Variants in IMMP2L observed in about 807,000 individuals in gnomAD.
IMMP2L encodes the protein mitochondrial inner membrane protease subunit 2.
In IMMP2L, 18 loss-of-function variants were observed where a neutral mutation model predicts 19.3. The observed-to-expected ratio is 0.93, with a 90% CI of 0.64 to 1.38. The LOEUF (loss-of-function observed/expected upper bound fraction) is 1.38. IMMP2L is among the 40% of genes most tolerant of loss of function. IMMP2L has a pLI of 0.00. For synonymous variants in IMMP2L, 76 were observed against 73.0 expected (o/e 1.04, Z -0.21); for missense variants, 233 against 218.2 (o/e 1.07, Z -0.43).
chr7:111,460,406 CTT>C (rs1305649933), intron 3 of IMMP2L, among the ~76,000 whole-genome samples: 1 of 152,034 alleles, frequency 6.6e-6, no homozygotes, highest in African/African-American at 2.4e-5. Flanking sequence ...GAGAAGCTAA[CTT>C]AATGCCAACA....
intron 3 of IMMP2L, among the ~76,000 whole-genome samples, chr7:111,269,650 T>A (rs561623364): frequency 0.014 from 2,156 of 151,144 alleles, 48 homozygotes; most frequent in African/African-American, 0.047. Context: ...CAGTTTTTTT[T>A]AAAAAAAAAC....
At chr7:111,050,716 A>T (rs1465043955) in intron 3 of IMMP2L, among the ~76,000 whole-genome samples, 1 of 152,198 alleles carries the variant, frequency 6.6e-6, no homozygotes, top group African/African-American at 2.4e-5. Flanking sequence ...AGCCTAAAAA[A>T]TATATCATTT....
At chr7:111,499,676 G>C (rs1315670853) in intron 2 of IMMP2L, among the ~76,000 whole-genome samples, 1 of 152,162 alleles carries the variant, frequency 6.6e-6, no homozygotes, top group Non-Finnish European at 1.5e-5. Context: ...AGCAGCATGT[G>C]TTGTCAAGGC....
At chr7:110,812,183 A>G (rs1802090414) in intron 5 of IMMP2L, among the ~76,000 whole-genome samples, 1 of 152,080 alleles carries the variant, frequency 6.6e-6, no homozygotes, top group African/African-American at 2.4e-5. Flanking sequence ...CAGATTATTT[A>G]CATCTTTCCA....
intron 5 of IMMP2L, among the ~76,000 whole-genome samples, chr7:110,723,094 A>C (rs17398533): frequency 6.6e-6 from 1 of 152,054 alleles, no homozygotes; most frequent in African/African-American, 2.4e-5. Context: ...CATACCAACC[A>C]TAAGATGAAA....
chr7:111,243,397 G>T lies in IMMP2L; in HGVS notation c.239+243841C>A, dbSNP rs914564097. 2.0e-5 allele frequency among the ~76,000 whole-genome samples: 3 copies of T among 151,872 alleles called. No individual in the cohort carries two copies. In the East Asian group the frequency reaches 5.8e-4, roughly 29 times the overall value. ...CAAGCTGTTGAAATTTTATATTCTT[G>T]CATGGACTAGTAATTTCCACAATAG... is the stretch of plus-strand genomic sequence containing the variant. On this transcript the variant is annotated intron_variant, in intron 3 of 5. Coordinates refer to ENST00000405709, the MANE Select transcript of IMMP2L (RefSeq NM_032549.4).
At chr7:111,023,870 C>T (rs1826549127) in intron 3 of IMMP2L, among the ~76,000 whole-genome samples, 1 of 152,122 alleles carries the variant, frequency 6.6e-6, no homozygotes, top group Non-Finnish European at 1.5e-5. Flanking sequence ...CCATGACTCT[C>T]ATCAAATTTT....
chr7:111,504,804 C>T (rs1844702115), intron 2 of IMMP2L, among the ~76,000 whole-genome samples: 2 of 152,026 alleles, frequency 1.3e-5, no homozygotes, highest in Admixed American at 1.3e-4. Flanking sequence ...TTCCTTACAC[C>T]TTATACAAAA....
intron 3 of IMMP2L, among the ~76,000 whole-genome samples, chr7:111,250,011 C>T (rs946640779): frequency 3.3e-5 from 5 of 152,070 alleles, no homozygotes; most frequent in African/African-American, 1.2e-4. Context: ...AAAACCCCAC[C>T]GTCTCAGCCC....
intron 5 of IMMP2L, among the ~76,000 whole-genome samples, chr7:110,805,046 T>C (rs1163322935): frequency 2.0e-5 from 3 of 152,112 alleles, no homozygotes; most frequent in African/African-American, 7.2e-5. Flanking sequence ...TGGAAAAAAT[T>C]GACTTTAATA....
intron 3 of IMMP2L, among the ~76,000 whole-genome samples, chr7:110,996,088 A>T (rs983803310): frequency 6.6e-6 from 1 of 152,106 alleles, no homozygotes; most frequent in Non-Finnish European, 1.5e-5. Context: ...AGTTTATTCT[A>T]CTACAAAATT....
intron 3 of IMMP2L, among the ~76,000 whole-genome samples, chr7:111,477,585 G>A (rs1356394466): frequency 6.6e-6 from 1 of 151,954 alleles, no homozygotes; most frequent in Admixed American, 6.6e-5. Flanking sequence ...TTCTTTGAAG[G>A]AAATGTCTTT....
intron 2 of IMMP2L, among the ~76,000 whole-genome samples, chr7:111,497,885 T>C (rs1843741246): frequency 6.6e-6 from 1 of 151,698 alleles, no homozygotes; most frequent in Non-Finnish European, 1.5e-5. Flanking sequence ...TCAATAATTT[T>C]TCACTATTAG....
chr7:110,859,408 A>C (rs183038239), intron 5 of IMMP2L, among the ~76,000 whole-genome samples: 93 of 152,034 alleles, frequency 6.1e-4, no homozygotes, highest in Admixed American at 4.0e-3. Flanking sequence ...AAAATTTGAG[A>C]CTAAAAAGTT....
At chr7:110,854,062 C>T (rs1424332070) in intron 5 of IMMP2L, among the ~76,000 whole-genome samples, 1 of 151,856 alleles carries the variant, frequency 6.6e-6, no homozygotes, top group Non-Finnish European at 1.5e-5. Context: ...CTATGTCTTA[C>T]AGTCACCAAT....
At chr7:111,540,792 A>G (rs1848443572) in intron 1 of IMMP2L, among the ~76,000 whole-genome samples, 1 of 152,130 alleles carries the variant, frequency 6.6e-6, no homozygotes. Flanking sequence ...TTAATTGTAG[A>G]TATGGTTTAT....
intron 3 of IMMP2L, among the ~76,000 whole-genome samples, chr7:111,167,992 C>T: frequency 6.6e-6 from 1 of 151,836 alleles, no homozygotes; most frequent in East Asian, 1.9e-4. Context: ...TGTTTTTACA[C>T]TTGAAAGAAA....
At chr7:110,941,737 A>G (rs926751434) in intron 4 of IMMP2L, among the ~76,000 whole-genome samples, 2 of 152,184 alleles carry the variant, frequency 1.3e-5, no homozygotes, top group Non-Finnish European at 2.9e-5. Context: ...ATCTAATATT[A>G]AGTAATGTTC....
chr7:111,080,849 T>C (rs780135331), intron 3 of IMMP2L, among the ~76,000 whole-genome samples: 17 of 152,192 alleles, frequency 1.1e-4, no homozygotes, highest in African/African-American at 1.9e-4. Flanking sequence ...ACCAAATATA[T>C]ATCCATTTTA....
Sources: gnomAD v4.1 joint callset for allele counts (sites outside exome capture counted in the v4.1 genomes callset) on GRCh38, gnomAD v4.1.1 for gene constraint, MANE v1.5 for transcripts, NCBI Gene and HGNC (gene_info 2026-07-23, HGNC 2026-07-21) for gene names.